GSTM3: variants seen among roughly 807,000 people sequenced by gnomAD.
GSTM3 encodes the protein GST class-mu 3.
Under a neutral mutation model 36.1 loss-of-function variants are expected in GSTM3, and 34 were observed. The observed-to-expected ratio is 0.94, with a 90% CI of 0.72 to 1.25. The LOEUF is 1.25. Among genes scored for constraint, GSTM3 ranks in the 50% most tolerant of loss-of-function variants. The pLI is 0.00. For synonymous variants in GSTM3, 102 were observed against 99.5 expected (o/e 1.03, Z -0.15); for missense variants, 266 against 281.6 (o/e 0.94, Z 0.40).
chr1:109,738,273 T>TC lies in GSTM3; in HGVS notation c.271+11_271+12insG. Reference sequence around the variant, plus strand: ...CCAGCCTGGGGTCCCTCACCAGCCCTACCCCACTCACACATGTTGTGCTTG... The same window carrying TC: ...CCAGCCTGGGGTCCCTCACCAGCCCTCACCCCACTCACACATGTTGTGCTTG... On this transcript the variant is annotated intron_variant, in intron 5 of 8. Coordinates refer to ENST00000361066, the MANE Select transcript of GSTM3 (RefSeq NM_000849.5). 6.2e-7 allele frequency: 1 copy of TC among 1,609,476 alleles called. No homozygotes were observed. The highest frequency in any genetic ancestry group is 8.5e-7 in the Non-Finnish European group (1 of 1,175,718).
At chr1:109,739,239 T>C (rs1228783189) in intron 4 of GSTM3, among the ~76,000 whole-genome samples, 190 bp downstream of exon 4, 1 of 152,192 alleles carries the variant, frequency 6.6e-6, no homozygotes, top group Non-Finnish European at 1.5e-5. Flanking sequence ...TAAAAGGAAA[T>C]AACTTTTGCT....
chr1:109,738,077 C>A lies in GSTM3; in HGVS notation c.372+14G>T. 6.4e-7 allele frequency: 1 copy of A among 1,558,904 alleles called. No individual in the cohort carries two copies. The highest frequency in any genetic ancestry group is 8.9e-7 in the Non-Finnish European group (1 of 1,129,652). Reference sequence around the variant, plus strand: ...TGATACTCCATTCAGCAGATGTGTGCTAAGGAAACTCACGTGGTCAGAGCT... The same window carrying A: ...TGATACTCCATTCAGCAGATGTGTGATAAGGAAACTCACGTGGTCAGAGCT... On this transcript the variant is annotated intron_variant, in intron 6 of 8. Coordinates refer to ENST00000361066, the MANE Select transcript of GSTM3 (RefSeq NM_000849.5).
At chr1:109,737,211 A>C in intron 8 of GSTM3, 42 bp from the exon 9 acceptor site, 1 of 1,322,872 alleles carries the variant, frequency 7.6e-7, no homozygotes, top group Non-Finnish European at 1.1e-6. Context: ...ACCCCAACCC[A>C]GTCCAACAGA....
chr1:109,737,404 T>A, intron 8 of GSTM3, 53 bp downstream of exon 8: 1 of 1,143,690 alleles, frequency 8.7e-7, no homozygotes, highest in Non-Finnish European at 1.3e-6. Context: ...ATCCTGCAGG[T>A]CCCAGGGGAG....
Position 109,738,194 on chromosome 1 carries a change from G to A in GSTM3, c.272-3C>T, listed in dbSNP as rs1649263450. The A allele has an allele frequency of 1.9e-6, 3 of 1,610,056 alleles. No homozygotes were observed. Among genetic ancestry groups the A allele is most frequent in the Middle Eastern group, 1.7e-4 (1 of 6,044 alleles). On this transcript the variant is annotated splice_region_variant and splice_polypyrimidine_tract_variant and intron_variant, in intron 5 of 8. Coordinates refer to ENST00000361066, the MANE Select transcript of GSTM3 (RefSeq NM_000849.5). ...CTTTTCTTCTTCAGTCTCACCACCT[G>A]TAGGCCAAATGACAACAAATCACCC... is the stretch of plus-strand genomic sequence containing the variant.
intron 4 of GSTM3, among the ~76,000 whole-genome samples, chr1:109,738,890 G>GT (rs1649287576): frequency 6.6e-6 from 1 of 152,234 alleles, no homozygotes; most frequent in African/African-American, 2.4e-5. Flanking sequence ...GAAGGCCGAG[G>GT]TGGGAGGACT....
rs762566876 is a variant in GSTM3 at position 109,740,382 on chromosome 1, C to A, written c.-95G>T. 2 of 1,048,882 alleles carry A rather than the reference C, an allele frequency of 1.9e-6. No homozygotes were observed. The highest frequency in any genetic ancestry group is 2.8e-5 in the South Asian group (2 of 70,606). 65.0% of individuals were successfully genotyped at this position (1,048,882 alleles called of 1,614,324 possible). A position where few individuals can be genotyped will look rare whatever the true frequency, so the allele number is the denominator to read the frequency against. On this transcript the variant is annotated 5_prime_UTR_variant, in exon 2 of 9. Transcript: ENST00000361066. ...GGGGGCGGGGCCCACGCGCGGGCGCCCTGACTCCGCCTCCGCCCCGTTCTC... is the reference window on the plus strand; with the variant it reads ...GGGGGCGGGGCCCACGCGCGGGCGCACTGACTCCGCCTCCGCCCCGTTCTC...
At chr1:109,739,210 T>C (rs1649296590) in intron 4 of GSTM3, among the ~76,000 whole-genome samples, 1 of 152,244 alleles carries the variant, frequency 6.6e-6, no homozygotes, top group Admixed American at 6.5e-5. Context: ...CCAATGTCAC[T>C]TATTGTCTCT....
In GSTM3 at chr1:109,735,354, T is replaced by C. The variant is rs1355668279; in HGVS notation, c.*1717A>G. 2 of 152,090 alleles carry C rather than the reference T, an allele frequency of 1.3e-5. No homozygotes were observed. The highest frequency in any genetic ancestry group is 4.8e-5 in the African/African-American group (2 of 41,422). 9.4% of individuals were successfully genotyped at this position (152,090 alleles called of 1,614,324 possible). Reference sequence around the variant, plus strand: ...GCGCACAGCTAATTAAAAAAAATTTTTGGGAGACAGGGGTCTCACTATGTT... The same window carrying C: ...GCGCACAGCTAATTAAAAAAAATTTCTGGGAGACAGGGGTCTCACTATGTT... On this transcript the variant is annotated 3_prime_UTR_variant, in exon 9 of 9. Transcript: ENST00000361066.
intron 2 of GSTM3, 36 bp downstream of exon 2, chr1:109,740,204 T>C (rs755689167): frequency 6.3e-7 from 1 of 1,596,204 alleles, no homozygotes; most frequent in Non-Finnish European, 8.6e-7. Flanking sequence ...GTCAGTCTCT[T>C]TGACCGAGCG....
Position 109,737,160 on chromosome 1 carries a change from T to C in GSTM3, c.589A>G (p.Lys197Glu). The C allele has an allele frequency of 3.7e-6, 6 of 1,612,764 alleles. No homozygotes were observed. Among genetic ancestry groups the C allele is most frequent in the Non-Finnish European group, 5.1e-6 (6 of 1,178,738 alleles). Residue 197 changes from lysine (K) to glutamate (E), a missense_variant, in exon 9 of 9, where the codon AAA becomes GAA. Lys to Glu is a moderately conservative substitution (Grantham distance 56). Coordinates refer to ENST00000361066, the MANE Select transcript of GSTM3 (RefSeq NM_000849.5). The stretch of plus-strand genomic sequence containing the variant: ...TCAGACTGTAAGTAGGCAGCGATTT[T>C]CTCCAAAGCCTGAAAGGAAAATACA... Reference protein sequence around the residue: ...AFMCRFEALEKIAAYLQSDQF... With the variant: ...AFMCRFEALEEIAAYLQSDQF...
rs765455955 is a variant in GSTM3 at position 109,738,281 on chromosome 1, T to G, written c.271+4A>C. Reference sequence around the variant, plus strand: ...GGGTCCCTCACCAGCCCTACCCCACTCACACATGTTGTGCTTGCGAGCGAT... The same window carrying G: ...GGGTCCCTCACCAGCCCTACCCCACGCACACATGTTGTGCTTGCGAGCGAT... On this transcript the variant is annotated splice_donor_region_variant and intron_variant, in intron 5 of 8. Coordinates refer to ENST00000361066, the MANE Select transcript of GSTM3 (RefSeq NM_000849.5). 17 of 1,612,558 alleles carry G rather than the reference T, an allele frequency of 1.1e-5. No homozygotes were observed. The highest frequency in any genetic ancestry group is 1.7e-5 in the Admixed American group (1 of 60,026).
intron 8 of GSTM3, 62 bp from the exon 9 acceptor site, chr1:109,737,231 G>T: frequency 1.7e-6 from 2 of 1,143,996 alleles, no homozygotes; most frequent in South Asian, 1.2e-5. Context: ...ATGCATACCA[G>T]AACAGCAACA....
At chr1:109,737,829 T>C (rs1649249316) in intron 6 of GSTM3, 78 bp from the exon 7 acceptor site, 3 of 865,114 alleles carry the variant, frequency 3.5e-6, no homozygotes, top group Non-Finnish European at 5.6e-6. Context: ...GATGGACACT[T>C]AGTAGCCCCT....
In GSTM3 at chr1:109,740,301, C is replaced by A. The variant is rs1196219825; in HGVS notation, c.-14G>T. The A allele has an allele frequency of 1.2e-6, 2 of 1,611,964 alleles. No individual in the cohort carries two copies. Among genetic ancestry groups the A allele is most frequent in the Non-Finnish European group, 8.5e-7 (1 of 1,178,464 alleles). On this transcript the variant is annotated 5_prime_UTR_variant, in exon 2 of 9. Coordinates refer to ENST00000361066, the MANE Select transcript of GSTM3 (RefSeq NM_000849.5). Reference sequence around the variant, plus strand: ...CTCGCACGACATGGTGACGGGCTTCCGAGCCTTCGAGGACTAGGGAAACTG... The same window carrying A: ...CTCGCACGACATGGTGACGGGCTTCAGAGCCTTCGAGGACTAGGGAAACTG...
rs990778626 is a variant in GSTM3, at chr1:109,737,667, C to A, written c.457G>T (p.Ala153Ser). The A allele has an allele frequency of 1.2e-6, 2 of 1,608,544 alleles. No individual in the cohort carries two copies. The highest frequency in any genetic ancestry group is 4.5e-5 in the East Asian group (2 of 44,858). The change falls in exon 7 of 9, where the codon GCC becomes TCC. Residue 153 changes from alanine to serine, a missense_variant. By Grantham distance (99) the Ala-to-Ser change is moderately conservative. Coordinates refer to ENST00000361066, the MANE Select transcript of GSTM3 (RefSeq NM_000849.5). ...SMFLGKFSWF[A>S]GEKLTFVDFL... ...TCCCTTCTTCCTACCTTTTCCCCGG[C>A]AAACCATGAGAATTTCCCCAGAAAC...
Position 109,740,268 on chromosome 1 carries a change from A to G in GSTM3, c.20T>C (p.Met7Thr), listed in dbSNP as rs779498787. 6.3e-5 allele frequency: 101 copies of G among 1,613,594 alleles called. 1 individual carries two copies. The highest frequency in any genetic ancestry group is 8.0e-5 in the Non-Finnish European group (94 of 1,179,728). Residue 7 changes from methionine to threonine, a missense_variant, in exon 2 of 9, where the codon ATG (methionine) becomes ACG (threonine). Transcript: ENST00000361066. ...ACGAATATCCCAGTACCCGAGAACC[A>G]TAGACGACTCGCACGACATGGTGAC... MSCESS[M>T]VLGYWDIRGL...
In GSTM3 at chr1:109,736,933, C is replaced by T; in HGVS notation, c.*138G>A. 2 of 615,640 alleles carry T rather than the reference C, an allele frequency of 3.2e-6. No homozygotes were observed. Among genetic ancestry groups the T allele is most frequent in the East Asian group, 5.5e-5 (2 of 36,262 alleles). The allele number at this position is 615,640 out of a possible 1,614,324, so 38.1% of individuals were successfully genotyped here. ...ATGATTCTCCACATATCCTTTTTCC[C>T]TTTTAGCCTTTATACCCAAGAGAAA... On this transcript the variant is annotated 3_prime_UTR_variant, in exon 9 of 9. Coordinates refer to ENST00000361066, the MANE Select transcript of GSTM3 (RefSeq NM_000849.5).
rs1034362876 is a variant in GSTM3, at chr1:109,737,986, G to C, written c.372+105C>G. On this transcript the variant is annotated intron_variant, in intron 6 of 8. Transcript: ENST00000361066. ...GTTTCTTATTCTAACAATCTGGATTGGTGGGAAGGTAGCAGCAGCAGAATG... is the reference window on the plus strand; with the variant it reads ...GTTTCTTATTCTAACAATCTGGATTCGTGGGAAGGTAGCAGCAGCAGAATG... The C allele has an allele frequency of 3.8e-6, 3 of 782,054 alleles. No homozygotes were observed. The African/African-American group carries it at 5.1e-5, about 13-fold the overall frequency. The allele number at this position is 782,054 out of a possible 1,614,324, so 48.4% of individuals were successfully genotyped here.
Sources: gnomAD v4.1 joint callset for allele counts (sites outside exome capture counted in the v4.1 genomes callset) on GRCh38, gnomAD v4.1.1 for gene constraint, MANE v1.5 for transcripts, NCBI Gene and HGNC (gene_info 2026-07-23, HGNC 2026-07-21) for gene names.